The following CEP112 variants were observed in gnomAD, a reference collection of about 807,000 sequenced individuals.
CEP112 encodes centrosomal protein of 112 kDa.
Under a neutral mutation model 153.0 loss-of-function variants are expected in CEP112, and 127 were observed. That is an observed-to-expected ratio of 0.83 (90% CI 0.72 to 0.96). CEP112 has a LOEUF of 0.96. CEP112 is among the 40% of genes least tolerant of loss of function. The probability of loss-of-function intolerance (pLI) is 0.00; values close to 1 mark genes in which losing one functional copy is unlikely to be tolerated. For synonymous variants in CEP112, 358 were observed against 374.4 expected (o/e 0.96, Z 0.51); for missense variants, 1,089 against 1,101.2 (o/e 0.99, Z 0.16).
chr17:66,022,711 GA>G (rs1555771642), intron 16 of CEP112, among the ~76,000 whole-genome samples: 13 of 127,068 alleles, frequency 1.0e-4, no homozygotes, highest in South Asian at 1.0e-3. Context: ...TCCGCCTCAA[GA>G]AAAAAAAAAA....
chr17:65,647,179 T>G (rs1449096006), intron 24 of CEP112, among the ~76,000 whole-genome samples: 1 of 150,512 alleles, frequency 6.6e-6, no homozygotes, highest in Admixed American at 6.6e-5. Context: ...TCTTGTTTTT[T>G]TTTTTTTTTT....
chr17:65,950,699 C>CTATTATTATTATTAGTAGTAGTAGTAG lies in CEP112; in HGVS notation c.1872+10763_1872+10764insCTACTACTACTACTAATAATAATAATA, dbSNP rs57598697. On this transcript the variant is annotated intron_variant, in intron 18 of 26. Transcript: ENST00000535342. ...CTTTCTTTCCATTCTGGATACATTA[C>CTATTATTATTATTAGTAGTAGTAGTAG]TAGTAGTAGTAGTAGTAGTAGTAGT... Among the ~76,000 whole-genome samples the CTATTATTATTATTAGTAGTAGTAGTAG allele has an allele frequency of 5.8e-4, 86 of 147,182 alleles. 1 individual carries two copies. In the East Asian group the frequency reaches 6.3e-3, roughly 11 times the overall value.
intron 20 of CEP112, among the ~76,000 whole-genome samples, chr17:65,894,497 T>G (rs1212238341): frequency 1.3e-5 from 2 of 152,088 alleles, no homozygotes; most frequent in African/African-American, 4.8e-5. Flanking sequence ...TTCAGGTTCC[T>G]TTAGGAAAAA....
chr17:66,064,686 C>A (rs191873489), intron 10 of CEP112, among the ~76,000 whole-genome samples: 14 of 152,262 alleles, frequency 9.2e-5, no homozygotes, highest in African/African-American at 3.1e-4. Context: ...TTACTTTACA[C>A]TTCCAAAATT....
chr17:65,951,749 C>CCCCCCAG (rs71160510), intron 18 of CEP112, among the ~76,000 whole-genome samples: 1 of 106,148 alleles, frequency 9.4e-6, no homozygotes, highest in Admixed American at 1.1e-4. Flanking sequence ...CCCCGCCCCC[C>CCCCCCAG]CCTTTCTTCC....
intron 4 of CEP112, among the ~76,000 whole-genome samples, chr17:66,146,839 A>G (rs1179414152): frequency 1.3e-5 from 2 of 152,148 alleles, no homozygotes; most frequent in African/African-American, 4.8e-5. Flanking sequence ...ATGTGACAAG[A>G]CTTTCTTCCT....
chr17:66,189,678 T>A (rs1036194215), intron 1 of CEP112, among the ~76,000 whole-genome samples: 5 of 151,786 alleles, frequency 3.3e-5, no homozygotes, highest in African/African-American at 9.7e-5. Flanking sequence ...AATAAAGAAA[T>A]GGAAAAAGAA....
At chr17:66,027,605 TAG>T in intron 15 of CEP112, 45 bp from the exon 16 acceptor site, 2 of 1,122,004 alleles carry the variant, frequency 1.8e-6, no homozygotes, top group African/African-American at 1.6e-5. Context: ...TAAATTATAC[TAG>T]AGTCAATAAA....
At chr17:65,981,536 C>T (rs758310116) in intron 17 of CEP112, among the ~76,000 whole-genome samples, 2 of 151,924 alleles carry the variant, frequency 1.3e-5, no homozygotes, top group East Asian at 1.9e-4. Flanking sequence ...AGTATTGTTT[C>T]GGTATGGCTG....
chr17:65,967,182 G>A (rs955855593), intron 17 of CEP112, among the ~76,000 whole-genome samples: 1 of 152,270 alleles, frequency 6.6e-6, no homozygotes, highest in Non-Finnish European at 1.5e-5. Flanking sequence ...CTTGCCCACA[G>A]GGTCAAACAC....
intron 21 of CEP112, among the ~76,000 whole-genome samples, chr17:65,849,735 G>A (rs558025570): frequency 9.1e-4 from 139 of 152,328 alleles, no homozygotes; most frequent in Non-Finnish European, 1.6e-3. Flanking sequence ...TGCTAGAAGA[G>A]TTGACTGAAG....
intron 23 of CEP112, among the ~76,000 whole-genome samples, chr17:65,705,565 T>C (rs1295434107): frequency 6.6e-6 from 1 of 152,018 alleles, no homozygotes; most frequent in Non-Finnish European, 1.5e-5. Context: ...AGTGTTCAAT[T>C]GAGAGAACAA....
chr17:65,816,731 C>A (rs958034953), intron 21 of CEP112, among the ~76,000 whole-genome samples: 1 of 151,758 alleles, frequency 6.6e-6, no homozygotes, highest in Non-Finnish European at 1.5e-5. Context: ...TTGTGTGTGT[C>A]TGTAGTCTGT....
chr17:65,845,152 T>C (rs1358537327), intron 21 of CEP112, among the ~76,000 whole-genome samples: 1 of 152,154 alleles, frequency 6.6e-6, no homozygotes, highest in Non-Finnish European at 1.5e-5. Context: ...AAACTGCGTC[T>C]GTACTAAAAT....
At chr17:65,911,884 C>T (rs996514311) in intron 19 of CEP112, among the ~76,000 whole-genome samples, 2 of 152,144 alleles carry the variant, frequency 1.3e-5, no homozygotes, top group African/African-American at 2.4e-5. Context: ...TAACAGCAGT[C>T]GTTTCCGGAA....
intron 23 of CEP112, among the ~76,000 whole-genome samples, chr17:65,690,758 T>C (rs1036561362): frequency 2.6e-5 from 4 of 152,078 alleles, no homozygotes; most frequent in African/African-American, 9.7e-5. Flanking sequence ...AAGGTCACTG[T>C]TGAGAGTGAT....
intron 20 of CEP112, among the ~76,000 whole-genome samples, chr17:65,862,359 C>T (rs1009692800): frequency 3.3e-5 from 5 of 152,090 alleles, no homozygotes; most frequent in East Asian, 1.9e-4. Context: ...GAGGCCAAGG[C>T]GAGTGGATCA....
chr17:66,184,781 A>G (rs1012617462), intron 1 of CEP112, among the ~76,000 whole-genome samples: 2 of 152,084 alleles, frequency 1.3e-5, no homozygotes, highest in African/African-American at 4.8e-5. Context: ...CTATATACAC[A>G]AAAAAATCCA....
chr17:66,142,705 C>T (rs1052733297), intron 4 of CEP112, among the ~76,000 whole-genome samples: 1 of 152,078 alleles, frequency 6.6e-6, no homozygotes, highest in South Asian at 2.1e-4. Flanking sequence ...TTCCATTGGT[C>T]TATATGTCTG....
Sources: gnomAD v4.1 joint callset for allele counts (sites outside exome capture counted in the v4.1 genomes callset) on GRCh38, gnomAD v4.1.1 for gene constraint, MANE v1.5 for transcripts, NCBI Gene and HGNC (gene_info 2026-07-23, HGNC 2026-07-21) for gene names.